Variants in FKTN observed in about 807,000 individuals in gnomAD.
FKTN encodes the protein fukutin, also known as ribitol-5-phosphate transferase FKTN.
In FKTN, 47 loss-of-function variants were observed where a neutral mutation model predicts 58.6. That is an observed-to-expected ratio of 0.80 (90% CI 0.63 to 1.02). The LOEUF (loss-of-function observed/expected upper bound fraction) is 1.02, where lower values mean the gene tolerates loss of function less well. Among genes scored for constraint, FKTN ranks in the 50% least tolerant of loss-of-function variants. The pLI is 0.00. For synonymous variants in FKTN, 178 were observed against 191.9 expected (o/e 0.93, Z 0.60); for missense variants, 516 against 537.3 (o/e 0.96, Z 0.39).
chr9:105,587,288 T>C (rs1844084477), intron 3 of FKTN, among the ~76,000 whole-genome samples: 1 of 152,088 alleles, frequency 6.6e-6, no homozygotes, highest in South Asian at 2.1e-4. Flanking sequence ...GTAGCCTATG[T>C]ATGTTTGGTT....
intron 10 of FKTN, among the ~76,000 whole-genome samples, chr9:105,630,142 T>C (rs1833230239): frequency 6.6e-6 from 1 of 152,030 alleles, no homozygotes; most frequent in Non-Finnish European, 1.5e-5. Context: ...ATGGCACATG[T>C]ATACATATGT....
rs1160796399 is a variant in FKTN, at chr9:105,601,326, A to T, written c.347A>T (p.Gln116Leu). Residue 116 changes from glutamine to leucine, a missense_variant, in exon 5 of 11, where the codon CAG (glutamine) becomes CTG (leucine). Physicochemically the swap from Gln to Leu is moderately radical, Grantham distance 113. Coordinates refer to ENST00000357998, the MANE Select transcript of FKTN (RefSeq NM_001079802.2). The stretch of plus-strand genomic sequence containing the variant: ...AGAGACTTTACTGCATTTGCACTGC[A>T]GTATCACCTATGGAAGAATGAGGTA... ...VPRDFTAFAL[Q>L]YHLWKNEEGW... 6.2e-7 allele frequency: 1 copy of T among 1,608,248 alleles called. No individual in the cohort carries two copies. The highest frequency in any genetic ancestry group is 8.5e-7 in the Non-Finnish European group (1 of 1,177,018).
chr9:105,607,685 T>C lies in FKTN; in HGVS notation c.648-134T>C, dbSNP rs1829153023. ...CAGGTTTGTTACATAGGTATACATG[T>C]GCCATGGTAGTTTGCTGCACCTATC... On this transcript the variant is annotated intron_variant, in intron 6 of 10. Transcript: ENST00000357998. 19 of 721,992 alleles carry C rather than the reference T, an allele frequency of 2.6e-5. No individual in the cohort carries two copies. In the East Asian group the frequency reaches 4.9e-4, roughly 18 times the overall value. 44.7% of individuals were successfully genotyped at this position (721,992 alleles called of 1,614,324 possible). A position where few individuals can be genotyped will look rare whatever the true frequency, so the allele number is the denominator to read the frequency against.
chr9:105,593,212 T>A (rs927118071), intron 3 of FKTN, among the ~76,000 whole-genome samples: 1 of 152,182 alleles, frequency 6.6e-6, no homozygotes, highest in Admixed American at 6.6e-5. Context: ...GCACTTCATA[T>A]GGCTGGAGCA....
At chr9:105,602,311 C>G (rs1828021935) in intron 5 of FKTN, among the ~76,000 whole-genome samples, 1 of 152,198 alleles carries the variant, frequency 6.6e-6, no homozygotes, top group Admixed American at 6.5e-5. Context: ...GCCTAGGACT[C>G]TAAATGCCAG....
chr9:105,565,350 T>C (rs879069369), intron 1 of FKTN, among the ~76,000 whole-genome samples: 40 of 152,252 alleles, frequency 2.6e-4, no homozygotes, highest in African/African-American at 8.9e-4. Context: ...AGACACAGAC[T>C]GGCAAATTGG....
chr9:105,638,383 T>G lies in FKTN; in HGVS notation c.*3119T>G, dbSNP rs961450602. 1.4e-5 allele frequency: 14 copies of G among 985,414 alleles called. No homozygotes were observed. Among genetic ancestry groups the G allele is most frequent in the Non-Finnish European group, 1.7e-5 (14 of 829,916 alleles). 61.0% of individuals were successfully genotyped at this position (985,414 alleles called of 1,614,324 possible). On this transcript the variant is annotated 3_prime_UTR_variant, in exon 11 of 11. Transcript: ENST00000357998. ...CAGAATTCAGAATTCTTAGGCAACC[T>G]TCATACCTTTATCTGGAAAATGCCT...
intron 3 of FKTN, among the ~76,000 whole-genome samples, chr9:105,582,690 T>A (rs1376000231): frequency 6.6e-6 from 1 of 152,220 alleles, no homozygotes; most frequent in Non-Finnish European, 1.5e-5. Context: ...CTGTGACATC[T>A]TCAACCCTTT....
At chr9:105,601,754 C>G (rs1312442361) in intron 5 of FKTN, among the ~76,000 whole-genome samples, 2 of 152,100 alleles carry the variant, frequency 1.3e-5, no homozygotes, top group East Asian at 1.9e-4. Flanking sequence ...ATTTTTAGGT[C>G]ATTTCTGTTG....
intron 3 of FKTN, among the ~76,000 whole-genome samples, chr9:105,591,733 C>T (rs1844914596): frequency 6.6e-6 from 1 of 152,202 alleles, no homozygotes; most frequent in African/African-American, 2.4e-5. Context: ...AGTGGGGGCT[C>T]TCTGTGGGAG....
intron 1 of FKTN, among the ~76,000 whole-genome samples, chr9:105,563,305 C>A (rs1038674310): frequency 1.1e-4 from 17 of 152,104 alleles, no homozygotes; most frequent in African/African-American, 3.6e-4. Flanking sequence ...ACAGTGGGTG[C>A]AGGACAGTGG....
chr9:105,630,229 A>T (rs1206710457), intron 10 of FKTN, among the ~76,000 whole-genome samples: 1 of 152,128 alleles, frequency 6.6e-6, no homozygotes, highest in East Asian at 1.9e-4. Context: ...AAAATCTGGG[A>T]TGGCTGGCTT....
At chr9:105,601,114 G>A in intron 4 of FKTN, 31 bp from the exon 5 acceptor site, 1 of 1,258,144 alleles carries the variant, frequency 7.9e-7, no homozygotes, top group Non-Finnish European at 1.2e-6. Flanking sequence ...TGGCTTACTG[G>A]AATTACGAGA....
At chr9:105,587,832 AG>A (rs1844174152) in intron 3 of FKTN, among the ~76,000 whole-genome samples, 1 of 152,166 alleles carries the variant, frequency 6.6e-6, no homozygotes, top group Admixed American at 6.5e-5. Flanking sequence ...CACATTTATG[AG>A]TGATTCACTA....
intron 6 of FKTN, among the ~76,000 whole-genome samples, chr9:105,607,525 A>G (rs1458532201): frequency 6.6e-6 from 1 of 152,010 alleles, no homozygotes; most frequent in Non-Finnish European, 1.5e-5. Flanking sequence ...CTTGATGTTT[A>G]GGTATTTTGC....
chr9:105,607,630 TTAAG>T (rs1172398580), intron 6 of FKTN, among the ~76,000 whole-genome samples, 185 bp from the exon 7 acceptor site: 1 of 152,000 alleles, frequency 6.6e-6, no homozygotes, highest in Non-Finnish European at 1.5e-5. Context: ...AAATTTTACT[TTAAG>T]TAGTGGGACA....
Position 105,636,600 on chromosome 9 carries a change from A to G in FKTN, c.*1336A>G, listed in dbSNP as rs1368522771. 8.8e-7 allele frequency: 1 copy of G among 1,139,054 alleles called. No homozygotes were observed. Among genetic ancestry groups the G allele is most frequent in the Non-Finnish European group, 1.1e-6 (1 of 897,634 alleles). The allele number at this position is 1,139,054 out of a possible 1,614,324, so 70.6% of individuals were successfully genotyped here. A position where few individuals can be genotyped will look rare whatever the true frequency, so the allele number is the denominator to read the frequency against. On this transcript the variant is annotated 3_prime_UTR_variant, in exon 11 of 11. Coordinates refer to ENST00000357998, the MANE Select transcript of FKTN (RefSeq NM_001079802.2). Reference sequence around the variant, plus strand: ...CCCCATCTCTCTCTTATATCACTTGAATGATATATTGTAAGTGAGAGGTAA... The same window carrying G: ...CCCCATCTCTCTCTTATATCACTTGGATGATATATTGTAAGTGAGAGGTAA...
intron 10 of FKTN, among the ~76,000 whole-genome samples, chr9:105,629,170 TG>T (rs1833097931): frequency 1.3e-5 from 2 of 152,042 alleles, no homozygotes; most frequent in Admixed American, 1.3e-4. Flanking sequence ...AAGATAAGCC[TG>T]GGCAACATAG....
intron 7 of FKTN, among the ~76,000 whole-genome samples, chr9:105,611,717 A>G (rs1442392332): frequency 2.0e-5 from 3 of 152,134 alleles, no homozygotes. Flanking sequence ...TGGTGTATAT[A>G]TACTACATTT....
Sources: allele counts gnomAD v4.1 joint callset (sites outside exome capture counted in the v4.1 genomes callset), GRCh38; gene constraint gnomAD v4.1.1; transcripts MANE v1.5; gene names NCBI Gene and HGNC (gene_info 2026-07-23, HGNC 2026-07-21).